Variants in UBE2L3 observed in about 807,000 individuals in gnomAD.
UBE2L3 encodes ubiquitin-conjugating enzyme E2 L3.
A neutral mutation model predicts 17.8 loss-of-function variants in UBE2L3; 1 was observed. The ratio of observed to expected loss-of-function variants is 0.06; its 90% confidence interval spans 0.02 to 0.27. The LOEUF is 0.27. Ranked by LOEUF, UBE2L3 falls within the 10% of genes least tolerant of loss-of-function variation. The probability of loss-of-function intolerance (pLI) is 1.00; values close to 1 mark genes in which losing one functional copy is unlikely to be tolerated. For synonymous variants in UBE2L3, 44 were observed against 68.5 expected (o/e 0.64, Z 1.76); for missense variants, 40 against 192.6 (o/e 0.21, Z 4.69).
intron 3 of UBE2L3, among the ~76,000 whole-genome samples, chr22:21,612,418 C>T (rs1168596543): frequency 6.6e-6 from 1 of 152,026 alleles, no homozygotes; most frequent in Non-Finnish European, 1.5e-5. Context: ...CTCCGCCTCC[C>T]GAGTTCGCGC....
intron 2 of UBE2L3, among the ~76,000 whole-genome samples, chr22:21,599,146 G>A (rs866322619): frequency 6.6e-6 from 1 of 152,136 alleles, no homozygotes; most frequent in Non-Finnish European, 1.5e-5. Flanking sequence ...TTGCACAGCA[G>A]TTGCTCCTAA....
intron 2 of UBE2L3, among the ~76,000 whole-genome samples, chr22:21,597,523 C>G (rs1928594547): frequency 6.6e-6 from 1 of 152,044 alleles, no homozygotes; most frequent in African/African-American, 2.4e-5. Flanking sequence ...TCTTGAACTC[C>G]CAGGCTCAAG....
chr22:21,578,130 G>A (rs535857761), intron 1 of UBE2L3, among the ~76,000 whole-genome samples: 8 of 152,204 alleles, frequency 5.3e-5, no homozygotes, highest in African/African-American at 1.9e-4. Flanking sequence ...GGCTGAGGTG[G>A]GAGGATCATG....
At chr22:21,609,861 A>G (rs1289220302) in intron 2 of UBE2L3, among the ~76,000 whole-genome samples, 1 of 152,024 alleles carries the variant, frequency 6.6e-6, no homozygotes, top group Non-Finnish European at 1.5e-5. Context: ...CCGCATGTCT[A>G]CTAAAGATAC....
intron 2 of UBE2L3, among the ~76,000 whole-genome samples, chr22:21,596,205 T>A (rs1008412304): frequency 6.6e-6 from 1 of 152,040 alleles, no homozygotes; most frequent in East Asian, 1.9e-4. Flanking sequence ...TTCATAATAA[T>A]GTTTTGGTTT....
intron 1 of UBE2L3, among the ~76,000 whole-genome samples, chr22:21,592,373 A>G (rs1483696852): frequency 4.0e-5 from 6 of 151,092 alleles, no homozygotes; most frequent in African/African-American, 1.5e-4. Context: ...AGAAAACTGG[A>G]TATGCGTTTG....
Position 21,621,614 on chromosome 22 carries a change from G to T in UBE2L3, c.410G>T (p.Cys137Phe). 1 of 1,607,452 alleles carries T rather than the reference G, an allele frequency of 6.2e-7. No homozygotes were observed. Among genetic ancestry groups the T allele is most frequent in the Non-Finnish European group, 8.5e-7 (1 of 1,178,626 alleles). Residue 137 changes from cysteine (C) to phenylalanine (F), a missense_variant, in exon 4 of 4, where the codon TGT (cysteine) becomes TTT (phenylalanine). By Grantham distance (205) the Cys-to-Phe change is radical (BLOSUM62 -2). Transcript: ENST00000342192. ...TACTCTAAGGACCGTAAAAAATTCT[G>T]TAAGAATGCTGAAGAGTTTACAAAG... ...EEYSKDRKKF[C>F]KNAEEFTKKY...
intron 1 of UBE2L3, among the ~76,000 whole-genome samples, chr22:21,577,881 A>G (rs1333187385): frequency 2.0e-5 from 3 of 152,192 alleles, no homozygotes; most frequent in Non-Finnish European, 4.4e-5. Flanking sequence ...CTGCAACCAA[A>G]GCAGGTGCTA....
Position 21,589,142 on chromosome 22 carries a change from AT to A in UBE2L3, c.28-3698del, listed in dbSNP as rs768593270. Among the ~76,000 whole-genome samples the A allele has an allele frequency of 5.5e-3, 614 of 111,700 alleles. 17 individuals carry two copies. In the East Asian group the frequency reaches 0.096, roughly 17 times the overall value. The allele number at this position is 111,700 out of a possible 152,430, so 73.3% of individuals were successfully genotyped here. A position where few individuals can be genotyped will look rare whatever the true frequency, so the allele number is the denominator to read the frequency against. ...TTTCCTCAGTGGAGGCATGATTGGA[AT>A]TTTTTTTTTTTTTTTTTTTTGAGAC... On this transcript the variant is annotated intron_variant, in intron 1 of 3. Coordinates refer to ENST00000342192, the MANE Select transcript of UBE2L3 (RefSeq NM_003347.4).
At chr22:21,614,742 C>A in intron 3 of UBE2L3, 1 of 934,400 alleles carries the variant, frequency 1.1e-6, no homozygotes, top group Middle Eastern at 2.7e-4. Flanking sequence ...CTATATCTAC[C>A]CAAGAGAAAT....
At chr22:21,611,102 G>C (rs1193714546) in intron 3 of UBE2L3, 59 bp downstream of exon 3, 12 of 1,481,976 alleles carry the variant, frequency 8.1e-6, no homozygotes, top group Admixed American at 2.6e-5. Flanking sequence ...GCTCTGGGGT[G>C]GGGGCTTCTG....
intron 3 of UBE2L3, 36 bp from the exon 4 acceptor site, chr22:21,621,479 G>A: frequency 1.3e-6 from 2 of 1,571,170 alleles, no homozygotes; most frequent in Non-Finnish European, 1.7e-6. Context: ...TTCTGAGACT[G>A]TGTTAACCCC....
chr22:21,588,773 C>T (rs1928092461), intron 1 of UBE2L3, among the ~76,000 whole-genome samples: 1 of 151,954 alleles, frequency 6.6e-6, no homozygotes, highest in East Asian at 2.0e-4. Context: ...AAGCAGTTCT[C>T]TGCCTCAGCC....
chr22:21,562,670 CT>C (rs131653), intron 1 of UBE2L3, among the ~76,000 whole-genome samples: 3,497 of 105,254 alleles, frequency 0.033, 90 homozygotes, highest in South Asian at 0.096. Context: ...CACGCCTGGG[CT>C]TTTTTTTTTT....
intron 2 of UBE2L3, among the ~76,000 whole-genome samples, chr22:21,596,299 C>G (rs550982238): frequency 6.6e-6 from 1 of 152,116 alleles, no homozygotes; most frequent in African/African-American, 2.4e-5. Flanking sequence ...TTTCTGGGCT[C>G]AAGCAATCCT....
chr22:21,617,551 G>A (rs1345894903), intron 3 of UBE2L3, among the ~76,000 whole-genome samples: 1 of 152,132 alleles, frequency 6.6e-6, no homozygotes. Flanking sequence ...ACAAGTGTGA[G>A]CTGCTGCGCC....
rs188997952 is a variant in UBE2L3 at position 21,578,416 on chromosome 22, A to G, written c.27+10645A>G. Among the ~76,000 whole-genome samples, 85 of 151,658 alleles carry G rather than the reference A, an allele frequency of 5.6e-4. 2 individuals carry two copies. The highest frequency in any genetic ancestry group is 2.1e-4 in the Non-Finnish European group (14 of 67,932). ...TAAGAAAACCTAAGCTTCCTGAAGG[A>G]TTCTCCACGAGTTTTACACAGGCAG... is the stretch of plus-strand genomic sequence containing the variant. On this transcript the variant is annotated intron_variant, in intron 1 of 3. Coordinates refer to ENST00000342192, the MANE Select transcript of UBE2L3 (RefSeq NM_003347.4).
chr22:21,616,550 G>A (rs574641184), intron 3 of UBE2L3, among the ~76,000 whole-genome samples: 113 of 152,048 alleles, frequency 7.4e-4, no homozygotes, highest in African/African-American at 2.7e-3. Flanking sequence ...TACTCAGGAA[G>A]CTGAGGCAGG....
chr22:21,556,224 C>T (rs1926219216), intron 1 of UBE2L3, among the ~76,000 whole-genome samples: 1 of 152,118 alleles, frequency 6.6e-6, no homozygotes, highest in African/African-American at 2.4e-5. Flanking sequence ...TAGTGACACC[C>T]TGTTTCTAAA....
Sources: gnomAD v4.1 joint callset for allele counts (sites outside exome capture counted in the v4.1 genomes callset) on GRCh38, gnomAD v4.1.1 for gene constraint, MANE v1.5 for transcripts, NCBI Gene and HGNC (gene_info 2026-07-23, HGNC 2026-07-21) for gene names.